STXBP5L: variants seen among roughly 807,000 people sequenced by gnomAD.
STXBP5L encodes the protein syntaxin-binding protein 5-like.
Under a neutral mutation model 144.5 loss-of-function variants are expected in STXBP5L, and 65 were observed. That is an observed-to-expected ratio of 0.45 (90% CI 0.37 to 0.55). The LOEUF is 0.55. Among genes scored for constraint, STXBP5L ranks in the 20% least tolerant of loss-of-function variants. The probability of loss-of-function intolerance (pLI) is 0.00; values close to 1 mark genes in which losing one functional copy is unlikely to be tolerated. For missense variants in STXBP5L, 1,298 were observed against 1,405.5 expected, an observed-to-expected ratio of 0.92 and a Z score of 1.22; for synonymous variants, 505 against 469.6, an observed-to-expected ratio of 1.08 and a Z score of -0.97.
chr3:121,300,975 T>C (rs2051875092), intron 19 of STXBP5L, among the ~76,000 whole-genome samples: 1 of 152,212 alleles, frequency 6.6e-6, no homozygotes, highest in Non-Finnish European at 1.5e-5. Context: ...CGAAGTCAGG[T>C]AGCGTGATGC....
chr3:121,257,010 G>A (rs1412165373), intron 16 of STXBP5L, 151 bp from the exon 17 acceptor site: 1 of 546,012 alleles, frequency 1.8e-6, no homozygotes, highest in Non-Finnish European at 3.1e-6. Flanking sequence ...CCTGTAAATA[G>A]TATTGAACTT....
At chr3:121,363,354 T>G (rs2045770121) in intron 20 of STXBP5L, among the ~76,000 whole-genome samples, 1 of 152,200 alleles carries the variant, frequency 6.6e-6, no homozygotes, top group African/African-American at 2.4e-5. Context: ...TGCCCTACAC[T>G]GTCTTTCAAA....
chr3:121,400,784 T>C (rs1352628147), intron 22 of STXBP5L, among the ~76,000 whole-genome samples: 2 of 152,180 alleles, frequency 1.3e-5, no homozygotes, highest in Non-Finnish European at 2.9e-5. Context: ...GGTTTGTCTC[T>C]TCTGGCCAAC....
chr3:121,338,856 G>A (rs751826904), intron 20 of STXBP5L, among the ~76,000 whole-genome samples: 5 of 152,006 alleles, frequency 3.3e-5, no homozygotes, highest in Non-Finnish European at 7.4e-5. Context: ...GAATGAAACA[G>A]AAATTCTGAA....
At chr3:121,287,070 A>G (rs1000881750) in intron 19 of STXBP5L, among the ~76,000 whole-genome samples, 4 of 152,194 alleles carry the variant, frequency 2.6e-5, no homozygotes, top group Non-Finnish European at 5.9e-5. Flanking sequence ...TATACATATG[A>G]TGCAGCTATC....
intron 5 of STXBP5L, among the ~76,000 whole-genome samples, chr3:121,102,133 T>C (rs536254523): frequency 6.6e-6 from 1 of 152,236 alleles, no homozygotes; most frequent in African/African-American, 2.4e-5. Context: ...ATGGCCATAC[T>C]TCCCAAAGCA....
At chr3:120,940,914 A>C (rs887028554) in intron 2 of STXBP5L, among the ~76,000 whole-genome samples, 1 of 151,682 alleles carries the variant, frequency 6.6e-6, no homozygotes, top group South Asian at 2.1e-4. Flanking sequence ...TAACATATAT[A>C]TATATAATAT....
At chr3:121,052,735 G>A (rs1449288229) in intron 5 of STXBP5L, among the ~76,000 whole-genome samples, 2 of 151,938 alleles carry the variant, frequency 1.3e-5, no homozygotes, top group East Asian at 3.9e-4. Flanking sequence ...AGTGTTGGAA[G>A]TTCTGGCCAG....
At chr3:120,983,810 G>A (rs1167251807) in intron 3 of STXBP5L, among the ~76,000 whole-genome samples, 1 of 152,080 alleles carries the variant, frequency 6.6e-6, no homozygotes, top group Non-Finnish European at 1.5e-5. Context: ...TGTGATTCTT[G>A]TCACTTCTCT....
At chr3:121,072,887 T>C (rs1274869596) in intron 5 of STXBP5L, among the ~76,000 whole-genome samples, 1 of 152,228 alleles carries the variant, frequency 6.6e-6, no homozygotes, top group African/African-American at 2.4e-5. Flanking sequence ...TATTTGGCTC[T>C]GTGGGCATGC....
chr3:121,029,788 A>C (rs779429170), intron 3 of STXBP5L, among the ~76,000 whole-genome samples: 1 of 152,148 alleles, frequency 6.6e-6, no homozygotes, highest in African/African-American at 2.4e-5. Context: ...TCCATCTGAC[A>C]AAAGACTAAT....
At chr3:121,086,413 C>T (rs777698999) in intron 5 of STXBP5L, among the ~76,000 whole-genome samples, 28 of 152,002 alleles carry the variant, frequency 1.8e-4, no homozygotes, top group Non-Finnish European at 3.2e-4. Flanking sequence ...TTGCCTCATG[C>T]GTTCATAGCC....
intron 20 of STXBP5L, among the ~76,000 whole-genome samples, chr3:121,340,512 T>C (rs1054508691): frequency 1.4e-5 from 2 of 143,316 alleles, no homozygotes; most frequent in East Asian, 2.1e-4. Flanking sequence ...CCCCGGTGTG[T>C]GATATTCCCC....
intron 3 of STXBP5L, among the ~76,000 whole-genome samples, chr3:120,975,659 A>G (rs1021198981): frequency 4.6e-5 from 7 of 152,182 alleles, no homozygotes; most frequent in Non-Finnish European, 1.0e-4. Context: ...TTGCCCATTC[A>G]GTACGATATT....
chr3:121,039,672 A>C (rs1947009962), intron 3 of STXBP5L, among the ~76,000 whole-genome samples: 1 of 151,866 alleles, frequency 6.6e-6, no homozygotes, highest in African/African-American at 2.4e-5. Flanking sequence ...AAGTGTCTTC[A>C]TTTCAGTTTC....
chr3:121,157,801 T>C, intron 9 of STXBP5L, 174 bp downstream of exon 9: 1 of 824,722 alleles, frequency 1.2e-6, no homozygotes, highest in South Asian at 2.1e-5. Context: ...AAACTTTCCA[T>C]ACTTCCCTTC....
chr3:121,340,921 G>T (rs943551766), intron 20 of STXBP5L, among the ~76,000 whole-genome samples: 2 of 152,044 alleles, frequency 1.3e-5, no homozygotes. Flanking sequence ...TGCAATCAGT[G>T]TTAAGTTGTC....
At chr3:121,116,852 C>T (rs1350631746) in intron 6 of STXBP5L, among the ~76,000 whole-genome samples, 1 of 151,870 alleles carries the variant, frequency 6.6e-6, no homozygotes, top group East Asian at 1.9e-4. Flanking sequence ...TTGATAAAAA[C>T]ATACAGGCTT....
intron 5 of STXBP5L, among the ~76,000 whole-genome samples, chr3:121,062,906 C>G (rs1407840679): frequency 6.6e-6 from 1 of 152,194 alleles, no homozygotes; most frequent in Non-Finnish European, 1.5e-5. Context: ...AGCAATGCAT[C>G]TGACCTTTTT....
Sources: allele counts gnomAD v4.1 joint callset (sites outside exome capture counted in the v4.1 genomes callset), GRCh38; gene constraint gnomAD v4.1.1; transcripts MANE v1.5; gene names NCBI Gene and HGNC (gene_info 2026-07-23, HGNC 2026-07-21).